WWOX: variants seen among roughly 807,000 people sequenced by gnomAD.
The protein encoded by WWOX is WW domain-containing oxidoreductase.
A neutral mutation model predicts 46.2 loss-of-function variants in WWOX; 69 were observed. The observed-to-expected ratio is 1.49, with a 90% CI of 1.23 to 1.82. The LOEUF (loss-of-function observed/expected upper bound fraction) is 1.82, where lower values mean the gene tolerates loss of function less well. Ranked by LOEUF, WWOX falls within the 40% of genes most tolerant of loss-of-function variation. WWOX has a pLI of 0.00. For missense variants in WWOX, 919 were observed against 542.6 expected, an observed-to-expected ratio of 1.69 and a Z score of -6.89; for synonymous variants, 359 against 202.6, an observed-to-expected ratio of 1.77 and a Z score of -6.56.
At chr16:78,558,216 C>G (rs769117205) in intron 8 of WWOX, among the ~76,000 whole-genome samples, 2 of 152,192 alleles carry the variant, frequency 1.3e-5, no homozygotes, top group African/African-American at 4.8e-5. Context: ...TTTGCCCTTC[C>G]GATCCCTGGG....
At chr16:78,613,189 C>T (rs950329909) in intron 8 of WWOX, among the ~76,000 whole-genome samples, 1 of 152,194 alleles carries the variant, frequency 6.6e-6, no homozygotes, top group Non-Finnish European at 1.5e-5. Flanking sequence ...TGGTGCCCAT[C>T]ACCCCGATCA....
At chr16:78,698,641 T>G (rs1393642578) in intron 8 of WWOX, among the ~76,000 whole-genome samples, 2 of 152,194 alleles carry the variant, frequency 1.3e-5, no homozygotes, top group African/African-American at 4.8e-5. Context: ...CCTGACAAAC[T>G]TCCCAAGAAT....
chr16:78,811,627 T>C (rs2051191800), intron 8 of WWOX, among the ~76,000 whole-genome samples: 1 of 152,190 alleles, frequency 6.6e-6, no homozygotes, highest in Admixed American at 6.5e-5. Context: ...TGCCTCAGTC[T>C]CCCAAAGTGC....
chr16:78,586,910 A>G (rs1310611010), intron 8 of WWOX, among the ~76,000 whole-genome samples: 1 of 152,160 alleles, frequency 6.6e-6, no homozygotes, highest in East Asian at 1.9e-4. Flanking sequence ...CCCCAATGGA[A>G]AAATCCCTTC....
At chr16:78,270,074 G>A (rs1233382935) in intron 5 of WWOX, 1 of 151,954 alleles carries the variant, frequency 6.6e-6, no homozygotes, top group Non-Finnish European at 1.5e-5. Context: ...GGTATTTGAT[G>A]TTAAGCCTCA....
chr16:78,164,177 C>G lies in WWOX; in HGVS notation c.410-6C>G, dbSNP rs1488901499. ...TTTCTAACATTGACTTTCCTTTAAA[C>G]CATAGGGTTCGAAACCGCCAAGTCT... On this transcript the variant is annotated splice_polypyrimidine_tract_variant and splice_region_variant and intron_variant, in intron 4 of 8. Coordinates refer to ENST00000566780, the MANE Select transcript of WWOX (RefSeq NM_016373.4). 3.7e-6 allele frequency: 6 copies of G among 1,613,274 alleles called. No individual in the cohort carries two copies. Among genetic ancestry groups the G allele is most frequent in the Non-Finnish European group, 5.1e-6 (6 of 1,179,658 alleles).
At chr16:78,137,002 C>T (rs545157784) in intron 4 of WWOX, among the ~76,000 whole-genome samples, 4 of 152,276 alleles carry the variant, frequency 2.6e-5, no homozygotes, top group South Asian at 2.1e-4. Flanking sequence ...GGCAGAGCTG[C>T]GTGTGCCCGG....
chr16:78,752,749 T>C (rs904909369), intron 8 of WWOX, among the ~76,000 whole-genome samples: 17 of 152,220 alleles, frequency 1.1e-4, no homozygotes, highest in African/African-American at 3.9e-4. Context: ...TCTTCTTTAA[T>C]CTTCACCACA....
chr16:78,426,558 A>G (rs184730594), intron 7 of WWOX, among the ~76,000 whole-genome samples: 2 of 152,316 alleles, frequency 1.3e-5, no homozygotes, highest in East Asian at 3.9e-4. Context: ...GACCTATGTT[A>G]GTTTATAGGG....
At chr16:79,117,024 T>C (rs1054489079) in intron 8 of WWOX, among the ~76,000 whole-genome samples, 2 of 150,960 alleles carry the variant, frequency 1.3e-5, no homozygotes, top group Non-Finnish European at 2.9e-5. Context: ...ACGAGGTACA[T>C]TGTCAACAAG....
intron 4 of WWOX, among the ~76,000 whole-genome samples, chr16:78,139,618 C>T (rs1023587141): frequency 6.6e-6 from 1 of 152,028 alleles, no homozygotes; most frequent in Non-Finnish European, 1.5e-5. Flanking sequence ...GCACTCCAGC[C>T]CAGGCGATAG....
intron 8 of WWOX, among the ~76,000 whole-genome samples, chr16:79,190,224 C>T (rs921997786): frequency 1.7e-4 from 26 of 152,042 alleles, no homozygotes; most frequent in African/African-American, 6.0e-4. Context: ...AGGGTTTCAC[C>T]GTGTTGGCCA....
chr16:78,310,063 C>T (rs1209274274), intron 5 of WWOX, among the ~76,000 whole-genome samples: 2 of 152,162 alleles, frequency 1.3e-5, no homozygotes, highest in African/African-American at 4.8e-5. Flanking sequence ...CCTTCCCCCT[C>T]CTTCCCCCTC....
chr16:78,856,559 C>G (rs1404029385), intron 8 of WWOX, among the ~76,000 whole-genome samples: 3 of 152,124 alleles, frequency 2.0e-5, no homozygotes, highest in Admixed American at 1.3e-4. Context: ...AGGAGAATCC[C>G]TTGAACCCAG....
At chr16:78,754,657 A>G (rs2049590453) in intron 8 of WWOX, among the ~76,000 whole-genome samples, 4 of 152,242 alleles carry the variant, frequency 2.6e-5, no homozygotes, top group African/African-American at 9.6e-5. Context: ...TTAATTAGCA[A>G]GTACAGCCTT....
chr16:78,977,745 C>T lies in WWOX; in HGVS notation c.1057-233863C>T, dbSNP rs112086685. Among the ~76,000 whole-genome samples the T allele has an allele frequency of 6.4e-3, 978 of 152,180 alleles. 16 individuals carry two copies. Among genetic ancestry groups the T allele is most frequent in the African/African-American group, 0.022 (922 of 41,522 alleles). On this transcript the variant is annotated intron_variant, in intron 8 of 8. Transcript: ENST00000566780. The stretch of plus-strand genomic sequence containing the variant: ...CAGGGGGTGCCTGCAAGTCTGTGAC[C>T]GTCCTGAAGGACCCCCTTCCTAGGA...
chr16:78,421,987 A>G (rs932983165), intron 6 of WWOX, among the ~76,000 whole-genome samples: 3 of 152,214 alleles, frequency 2.0e-5, no homozygotes, highest in African/African-American at 7.2e-5. Context: ...ACAAGATAAT[A>G]CAAATATAAT....
intron 1 of WWOX, among the ~76,000 whole-genome samples, chr16:78,106,110 G>A (rs2032127812): frequency 1.3e-5 from 2 of 152,282 alleles, no homozygotes; most frequent in South Asian, 4.1e-4. Context: ...CCACTCCATG[G>A]ATTCTTGAGG....
chr16:79,086,130 G>A (rs186393606), intron 8 of WWOX, among the ~76,000 whole-genome samples: 1 of 152,008 alleles, frequency 6.6e-6, no homozygotes, highest in Non-Finnish European at 1.5e-5. Context: ...CAATATTGTG[G>A]CTGCTCTCAA....
Sources: allele counts gnomAD v4.1 joint callset (sites outside exome capture counted in the v4.1 genomes callset), GRCh38; gene constraint gnomAD v4.1.1; transcripts MANE v1.5; gene names NCBI Gene and HGNC (gene_info 2026-07-23, HGNC 2026-07-21).